RBM28: variants seen among roughly 807,000 people sequenced by gnomAD.
RBM28 encodes the protein RNA binding motif protein 28.
Under a neutral mutation model 98.3 loss-of-function variants are expected in RBM28, and 78 were observed. The ratio of observed to expected loss-of-function variants is 0.79; its 90% CI spans 0.66 to 0.96. The LOEUF is 0.96. Among genes scored for constraint, RBM28 ranks in the 40% least tolerant of loss-of-function variants. RBM28 has a pLI of 0.00. For missense variants in RBM28, 838 were observed against 913.0 expected (o/e 0.92, Z 1.06); for synonymous variants, 306 against 330.9 (o/e 0.92, Z 0.82).
chr7:128,336,377 C>A (rs1796601356), intron 6 of RBM28, among the ~76,000 whole-genome samples: 1 of 152,220 alleles, frequency 6.6e-6, no homozygotes, highest in Non-Finnish European at 1.5e-5. Context: ...GGGGGCAAAG[C>A]CAAGCCATGA....
At chr7:128,341,756 G>T (rs1796729996) in intron 1 of RBM28, among the ~76,000 whole-genome samples, 1 of 152,150 alleles carries the variant, frequency 6.6e-6, no homozygotes, top group Non-Finnish European at 1.5e-5. Flanking sequence ...AACCACCTGG[G>T]TACGGAATGC....
Position 128,299,047 on chromosome 7 carries a change from T to C in RBM28, c.*11750A>G, listed in dbSNP as rs896712213. ...AAAAAAAATGTACCCATATTTGTTT[T>C]CATCAGGTATGGTAAGATGACAGAC... On this transcript the variant is annotated 3_prime_UTR_variant, in exon 19 of 19. Transcript: ENST00000223073. 6.6e-6 allele frequency: 1 copy of C among 151,940 alleles called. No individual in the cohort carries two copies. The highest frequency in any genetic ancestry group is 2.4e-5 in the African/African-American group (1 of 41,352). The allele number at this position is 151,940 out of a possible 1,614,324, so 9.4% of individuals were successfully genotyped here. A position where few individuals can be genotyped will look rare whatever the true frequency, so the allele number is the denominator to read the frequency against.
At chr7:128,340,471 A>C (rs1351878114) in intron 1 of RBM28, among the ~76,000 whole-genome samples, 1 of 152,164 alleles carries the variant, frequency 6.6e-6, no homozygotes, top group Non-Finnish European at 1.5e-5. Context: ...GAAGGCTCTC[A>C]CCAGATACAG....
chr7:128,317,805 C>G lies in RBM28; in HGVS notation c.1714-72G>C. The G allele has an allele frequency of 4.0e-6, 6 of 1,491,358 alleles. 1 individual carries two copies. In the South Asian group the frequency reaches 6.8e-5, roughly 17 times the overall value. The allele number at this position is 1,491,358 out of a possible 1,614,324, so 92.4% of individuals were successfully genotyped here. A position where few individuals can be genotyped will look rare whatever the true frequency, so the allele number is the denominator to read the frequency against. On this transcript the variant is annotated intron_variant, in intron 15 of 18. Coordinates refer to ENST00000223073, the MANE Select transcript of RBM28 (RefSeq NM_018077.3). The stretch of plus-strand genomic sequence containing the variant: ...GCATGCAATGAGCTGAGTTTTTCCC[C>G]TTCACACATCCTCCCCCAACCCACC...
chr7:128,339,812 G>A (rs771981689), intron 1 of RBM28, 21 bp from the exon 2 acceptor site: 2 of 1,611,286 alleles, frequency 1.2e-6, no homozygotes, highest in Non-Finnish European at 1.7e-6. Context: ...GGAGTGGGGA[G>A]GGAGTGGAGG....
rs144932897 is a variant in RBM28, at chr7:128,321,178, C to G, written c.1563+88G>C. On this transcript the variant is annotated intron_variant, in intron 14 of 18. Transcript: ENST00000223073. ...GAGACTTCGTCTCAAAACAAACAAA[C>G]AAAATCTGGCACCACAGCCTGAGGG... 1.0e-3 allele frequency: 1,600 copies of G among 1,565,576 alleles called. 23 individuals are homozygous for G. The African/African-American group carries it at 0.018, about 18-fold the overall frequency.
chr7:128,330,777 G>T, intron 10 of RBM28, 42 bp downstream of exon 10: 2 of 1,385,370 alleles, frequency 1.4e-6, no homozygotes, highest in Non-Finnish European at 1.0e-6. Context: ...CCACGGCAGT[G>T]GTCTCAACCC....
At chr7:128,324,047 T>C (rs1796293668) in intron 12 of RBM28, among the ~76,000 whole-genome samples, 1 of 152,204 alleles carries the variant, frequency 6.6e-6, no homozygotes, top group South Asian at 2.1e-4. Context: ...AGAAGGCTGG[T>C]GTCGAAGGCT....
At chr7:128,331,025 C>A in intron 9 of RBM28, 97 bp from the exon 10 acceptor site, 1 of 846,026 alleles carries the variant, frequency 1.2e-6, no homozygotes, top group Admixed American at 1.9e-5. Flanking sequence ...TCAACTCTCC[C>A]TTGTTCAGAA....
At position 128,305,808 on chromosome 7, in the gene RBM28, G is replaced by A. The variant is rs1474009191; in HGVS notation, c.*4989C>T. 6.6e-6 allele frequency: 1 copy of A among 152,322 alleles called. No individual in the cohort carries two copies. The highest frequency in any genetic ancestry group is 2.4e-5 in the African/African-American group (1 of 41,450). 9.4% of individuals were successfully genotyped at this position (152,322 alleles called of 1,614,324 possible). On this transcript the variant is annotated 3_prime_UTR_variant, in exon 19 of 19. Coordinates refer to ENST00000223073, the MANE Select transcript of RBM28 (RefSeq NM_018077.3). The stretch of plus-strand genomic sequence containing the variant: ...ACCAAGGCCCAGACCACAATGCAGG[G>A]GAGAGGGAGAAAAGGGGTGGAAGAG...
chr7:128,337,653 G>A (rs1193604793), intron 5 of RBM28, among the ~76,000 whole-genome samples: 1 of 149,904 alleles, frequency 6.7e-6, no homozygotes, highest in Non-Finnish European at 1.5e-5. Flanking sequence ...CCGCCTCCAG[G>A]TTCAAGCGAT....
intron 1 of RBM28, among the ~76,000 whole-genome samples, chr7:128,342,325 G>A (rs1473147489): frequency 6.6e-6 from 1 of 152,152 alleles, no homozygotes; most frequent in African/African-American, 2.4e-5. Flanking sequence ...CAACACACCA[G>A]CCAGAGAGAG....
chr7:128,310,550 C>T lies in RBM28; in HGVS notation c.*247G>A, dbSNP rs143276985. ...TAATAATTATAGACACAACTTCATA[C>T]AATAATCTGGATAATATGCAAGAAG... is the stretch of plus-strand genomic sequence containing the variant. On this transcript the variant is annotated 3_prime_UTR_variant, in exon 19 of 19. Coordinates refer to ENST00000223073, the MANE Select transcript of RBM28 (RefSeq NM_018077.3). The T allele has an allele frequency of 1.2e-3, 661 of 537,846 alleles. 4 individuals are homozygous for T. The highest frequency in any genetic ancestry group is 0.011 in the African/African-American group (592 of 53,032). The allele number at this position is 537,846 out of a possible 1,614,324, so 33.3% of individuals were successfully genotyped here. A position where few individuals can be genotyped will look rare whatever the true frequency, so the allele number is the denominator to read the frequency against.
chr7:128,337,121 C>T lies in RBM28; in HGVS notation c.613+10G>A. 8.1e-6 allele frequency: 13 copies of T among 1,613,844 alleles called. No individual in the cohort carries two copies. Among genetic ancestry groups the T allele is most frequent in the Non-Finnish European group, 1.1e-5 (13 of 1,179,764 alleles). ...AACGCCCCTACTCACCCAACACTACCACATCTTACCTATAGCAGAAACAGA... is the reference window on the plus strand; with the variant it reads ...AACGCCCCTACTCACCCAACACTACTACATCTTACCTATAGCAGAAACAGA... On this transcript the variant is annotated intron_variant, in intron 6 of 18. Transcript: ENST00000223073.
Position 128,300,386 on chromosome 7 carries a change from G to A in RBM28, c.*10411C>T, listed in dbSNP as rs1392481281. 1 of 152,344 alleles carries A rather than the reference G, an allele frequency of 6.6e-6. No homozygotes were observed. The highest frequency in any genetic ancestry group is 1.5e-5 in the Non-Finnish European group (1 of 68,148). 9.4% of individuals were successfully genotyped at this position (152,344 alleles called of 1,614,324 possible). A position where few individuals can be genotyped will look rare whatever the true frequency, so the allele number is the denominator to read the frequency against. On this transcript the variant is annotated 3_prime_UTR_variant, in exon 19 of 19. Coordinates refer to ENST00000223073, the MANE Select transcript of RBM28 (RefSeq NM_018077.3). ...ATGAATCAGCACTGATAGCTGGAAT[G>A]TGAGCTCCCAAGTGGCTTGAGCTCA... is the stretch of plus-strand genomic sequence containing the variant.
rs1330142449 is a variant in RBM28 at position 128,298,989 on chromosome 7, G to A, written c.*11808C>T. 2.1e-5 allele frequency: 3 copies of A among 144,686 alleles called. No homozygotes were observed. The highest frequency in any genetic ancestry group is 7.6e-5 in the African/African-American group (3 of 39,532). 9.0% of individuals were successfully genotyped at this position (144,686 alleles called of 1,614,324 possible). A position where few individuals can be genotyped will look rare whatever the true frequency, so the allele number is the denominator to read the frequency against. The stretch of plus-strand genomic sequence containing the variant: ...GATTACACCACTGCACTCCAGCCTG[G>A]GAGACAGAGTGAGACCCTCTCTCTC... On this transcript the variant is annotated 3_prime_UTR_variant, in exon 19 of 19. Coordinates refer to ENST00000223073, the MANE Select transcript of RBM28 (RefSeq NM_018077.3).
At position 128,338,726 on chromosome 7, in the gene RBM28, C is replaced by G; in HGVS notation, c.448G>C (p.Asp150His). Residue 150 changes from aspartate to histidine, a missense_variant and splice_region_variant, in exon 4 of 19, where the codon GAT becomes CAT. Physicochemically the swap from Asp to His is moderately conservative, Grantham distance 81 (BLOSUM62 -1). Coordinates refer to ENST00000223073, the MANE Select transcript of RBM28 (RefSeq NM_018077.3). ...ACACCAAGTGAAGGTTTATTAGTACCTGGTTTCCTAGGGATATTTACTTCC... is the reference window on the plus strand; with the variant it reads ...ACACCAAGTGAAGGTTTATTAGTACGTGGTTTCCTAGGGATATTTACTTCC... ...VLEVNIPRKP[D>H]GKMRGFGFVQ... The G allele has an allele frequency of 1.9e-6, 3 of 1,582,278 alleles. No homozygotes were observed. Among genetic ancestry groups the G allele is most frequent in the Non-Finnish European group, 2.6e-6 (3 of 1,151,088 alleles).
rs980022101 is a variant in RBM28 at position 128,335,937 on chromosome 7, T to A, written c.719A>T (p.Asp240Val). ...EEENDDDDDD[D>V]DEEDGVFDDE... ...ATCAAAAACCCCATCTTCTTCATCA[T>A]CATCATCGTCATCATCATCGTTTTC... Residue 240 changes from aspartate (D) to valine (V), a missense_variant, in exon 7 of 19, where the codon GAT becomes GTT. Asp to Val is a radical substitution (Grantham distance 152). Coordinates refer to ENST00000223073, the MANE Select transcript of RBM28 (RefSeq NM_018077.3). The A allele has an allele frequency of 1.6e-5, 25 of 1,604,516 alleles. No individual in the cohort carries two copies. Among genetic ancestry groups the A allele is most frequent in the East Asian group, 1.1e-4 (5 of 44,838 alleles).
chr7:128,326,399 A>G (rs923933426), intron 10 of RBM28, among the ~76,000 whole-genome samples: 13 of 152,088 alleles, frequency 8.5e-5, no homozygotes, highest in Non-Finnish European at 1.8e-4. Flanking sequence ...AGAAGATTAC[A>G]ATGGATCTGC....
Sources: allele counts gnomAD v4.1 joint callset (sites outside exome capture counted in the v4.1 genomes callset), GRCh38; gene constraint gnomAD v4.1.1; transcripts MANE v1.5; gene names NCBI Gene and HGNC (gene_info 2026-07-23, HGNC 2026-07-21).